AP3S1: variants seen among roughly 807,000 people sequenced by gnomAD.
AP3S1 encodes the protein adaptor related protein complex 3 subunit sigma 1.
In AP3S1, 12 loss-of-function variants were observed where a neutral mutation model predicts 21.3. The ratio of observed to expected loss-of-function variants is 0.56; its 90% CI spans 0.36 to 0.91. The LOEUF is 0.91. AP3S1 is among the 40% of genes least tolerant of loss of function. The probability of loss-of-function intolerance (pLI) is 0.01; values close to 1 mark genes in which losing one functional copy is unlikely to be tolerated. For missense variants in AP3S1, 116 were observed against 225.0 expected, an observed-to-expected ratio of 0.52 and a Z score of 3.10; for synonymous variants, 48 against 78.4, an observed-to-expected ratio of 0.61 and a Z score of 2.05.
At chr5:115,889,561 A>T (rs1197011987) in intron 3 of AP3S1, among the ~76,000 whole-genome samples, 1 of 152,212 alleles carries the variant, frequency 6.6e-6, no homozygotes, top group Admixed American at 6.5e-5. Flanking sequence ...ATTGGATTTT[A>T]TTGGAATGGA....
chr5:115,869,946 C>A, intron 2 of AP3S1, 71 bp from the exon 3 acceptor site: 1 of 923,632 alleles, frequency 1.1e-6, no homozygotes, highest in Non-Finnish European at 1.6e-6. Context: ...AACAAATTGT[C>A]AGTTTGCTTG....
At position 115,842,358 on chromosome 5, in the gene AP3S1, T is replaced by C. The variant is rs1325411546; in HGVS notation, c.69+252T>C. ...CCCGTCGGTGGGCTGCATGCTTTCC[T>C]GGCTGCGCGGGCGAGGCCCTGGAGA... On this transcript the variant is annotated intron_variant, in intron 1 of 5. Coordinates refer to ENST00000316788, the MANE Select transcript of AP3S1 (RefSeq NM_001284.4). 3 of 451,264 alleles carry C rather than the reference T, an allele frequency of 6.6e-6. No homozygotes were observed. In the East Asian group the frequency reaches 1.3e-4, roughly 20 times the overall value. The allele number at this position is 451,264 out of a possible 1,614,324, so 28.0% of individuals were successfully genotyped here. A position where few individuals can be genotyped will look rare whatever the true frequency, so the allele number is the denominator to read the frequency against.
At chr5:115,856,889 G>A (rs1399508877) in intron 1 of AP3S1, among the ~76,000 whole-genome samples, 2 of 152,186 alleles carry the variant, frequency 1.3e-5, no homozygotes, top group Non-Finnish European at 2.9e-5. Context: ...ATGCAGTTCA[G>A]TAGATCACAA....
intron 5 of AP3S1, chr5:115,906,742 A>G (rs1463309404): frequency 3.6e-6 from 4 of 1,108,936 alleles, no homozygotes; most frequent in Non-Finnish European, 5.0e-6. Context: ...GAATTTAGTC[A>G]CTACTTTTTG....
intron 1 of AP3S1, 100 bp downstream of exon 1, chr5:115,842,206 G>C (rs952722495): frequency 2.7e-6 from 4 of 1,456,164 alleles, no homozygotes; most frequent in Non-Finnish European, 3.6e-6. Flanking sequence ...GGCGCGCTGC[G>C]GCCCTTGTCC....
chr5:115,907,655 A>G (rs538027843), intron 5 of AP3S1, among the ~76,000 whole-genome samples: 10 of 152,290 alleles, frequency 6.6e-5, no homozygotes, highest in African/African-American at 2.4e-4. Context: ...ATAAAAATAT[A>G]TTAATGTTTT....
Position 115,866,748 on chromosome 5 carries a change from C to T in AP3S1, c.148C>T (p.Leu50=), listed in dbSNP as rs747067675. The T allele has an allele frequency of 1.9e-6, 3 of 1,596,678 alleles. No homozygotes were observed. The highest frequency in any genetic ancestry group is 1.7e-5 in the Admixed American group (1 of 58,934). Residue 50 remains leucine, a synonymous_variant, in exon 2 of 6, where the codon CTA becomes TTA. Coordinates refer to ENST00000316788, the MANE Select transcript of AP3S1 (RefSeq NM_001284.4). ...SKRDENVCNF[L]EGGLLIGGSD... ...GAGAGATGAAAATGTTTGTAATTTCCTAGAAGGAGGATTGTAAGTAAAGCA... is the reference window on the plus strand; with the variant it reads ...GAGAGATGAAAATGTTTGTAATTTCTTAGAAGGAGGATTGTAAGTAAAGCA...
chr5:115,845,726 C>G (rs773247709), intron 1 of AP3S1, among the ~76,000 whole-genome samples: 1 of 151,286 alleles, frequency 6.6e-6, no homozygotes, highest in Non-Finnish European at 1.5e-5. Flanking sequence ...TGCAGCTACT[C>G]GCTCGAGGCT....
intron 2 of AP3S1, among the ~76,000 whole-genome samples, chr5:115,869,374 T>C (rs1748016953): frequency 1.3e-5 from 2 of 152,214 alleles, no homozygotes; most frequent in South Asian, 4.1e-4. Context: ...TGTAACTTAC[T>C]GTGACGTATG....
chr5:115,893,509 C>A (rs1750496353), intron 3 of AP3S1, among the ~76,000 whole-genome samples: 2 of 152,142 alleles, frequency 1.3e-5, no homozygotes, highest in African/African-American at 4.8e-5. Context: ...TTGGGGAAGT[C>A]AAAGTTAGGC....
At chr5:115,895,298 G>C (rs1750659933) in intron 4 of AP3S1, 140 bp downstream of exon 4, 4 of 559,834 alleles carry the variant, frequency 7.1e-6, no homozygotes, top group South Asian at 6.1e-5. Context: ...CTATGAGCCA[G>C]GCTTTGTGCT....
Position 115,850,324 on chromosome 5 carries a change from A to T in AP3S1, c.69+8218A>T, listed in dbSNP as rs932287614. On this transcript the variant is annotated intron_variant, in intron 1 of 5. Coordinates refer to ENST00000316788, the MANE Select transcript of AP3S1 (RefSeq NM_001284.4). ...CCTGTCATTAATATATCTTAGTGTGACATGAAAGGGTTATAAAATAAATTT... is the reference window on the plus strand; with the variant it reads ...CCTGTCATTAATATATCTTAGTGTGTCATGAAAGGGTTATAAAATAAATTT... 7.9e-5 allele frequency among the ~76,000 whole-genome samples: 12 copies of T among 152,344 alleles called. No individual in the cohort carries two copies. The East Asian group carries it at 2.1e-3, about 27-fold the overall frequency.
At chr5:115,891,281 C>G (rs1316477730) in intron 3 of AP3S1, among the ~76,000 whole-genome samples, 1 of 152,172 alleles carries the variant, frequency 6.6e-6, no homozygotes, top group African/African-American at 2.4e-5. Context: ...TACAATACAT[C>G]TGACACCAGA....
intron 1 of AP3S1, among the ~76,000 whole-genome samples, chr5:115,846,761 T>G (rs369281943): frequency 1.4e-4 from 21 of 152,190 alleles, no homozygotes; most frequent in African/African-American, 4.8e-4. Context: ...CTCCTGAGTA[T>G]GAGGGTGTTA....
intron 5 of AP3S1, among the ~76,000 whole-genome samples, chr5:115,908,263 C>T (rs1418249511): frequency 1.3e-5 from 2 of 152,116 alleles, no homozygotes; most frequent in African/African-American, 2.4e-5. Flanking sequence ...TTCTGTGTTA[C>T]AGTATGTAAT....
chr5:115,868,304 T>G (rs2112833130), intron 2 of AP3S1, among the ~76,000 whole-genome samples: 1 of 152,320 alleles, frequency 6.6e-6, no homozygotes, highest in East Asian at 1.9e-4. Context: ...AATCACTAAA[T>G]CGCTGATTCA....
chr5:115,881,127 A>G (rs979480846), intron 3 of AP3S1, among the ~76,000 whole-genome samples: 9 of 152,002 alleles, frequency 5.9e-5, no homozygotes, highest in African/African-American at 2.2e-4. Context: ...AATACAGCAC[A>G]CTGATGGGTC....
In AP3S1 at chr5:115,844,801, A is replaced by G. The variant is rs557298101; in HGVS notation, c.69+2695A>G. Among the ~76,000 whole-genome samples, 22 of 152,174 alleles carry G rather than the reference A, an allele frequency of 1.4e-4. 1 individual carries two copies. The highest frequency in any genetic ancestry group is 9.8e-4 in the Admixed American group (15 of 15,290). On this transcript the variant is annotated intron_variant, in intron 1 of 5. Transcript: ENST00000316788. ...CCTCCTGGTTTTTAGGATTTTTTTCATCTTTGTTATGACACAGTATTCTCG... is the reference window on the plus strand; with the variant it reads ...CCTCCTGGTTTTTAGGATTTTTTTCGTCTTTGTTATGACACAGTATTCTCG...
intron 1 of AP3S1, among the ~76,000 whole-genome samples, 161 bp downstream of exon 1, chr5:115,842,267 A>T (rs1288149133): frequency 1.3e-5 from 2 of 151,946 alleles, no homozygotes; most frequent in Non-Finnish European, 2.9e-5. Context: ...GTGGGTGTGG[A>T]CAGGGTGCCC....
Sources: allele counts gnomAD v4.1 joint callset (sites outside exome capture counted in the v4.1 genomes callset), GRCh38; gene constraint gnomAD v4.1.1; transcripts MANE v1.5; gene names NCBI Gene and HGNC (gene_info 2026-07-23, HGNC 2026-07-21).